The following EXOSC2 variants were observed in gnomAD, a reference collection of about 807,000 sequenced individuals.
EXOSC2 encodes exosome complex component RRP4.
In EXOSC2, 29 loss-of-function variants were observed where a neutral mutation model predicts 37.6. The ratio of observed to expected loss-of-function variants is 0.77; its 90% CI spans 0.57 to 1.05. The LOEUF (loss-of-function observed/expected upper bound fraction) is 1.05, where lower values mean the gene tolerates loss of function less well. EXOSC2 is among the 50% of genes least tolerant of loss of function. The pLI is 0.00. For synonymous variants in EXOSC2, 119 were observed against 131.1 expected, an observed-to-expected ratio of 0.91 and a Z score of 0.63; for missense variants, 346 against 365.6, an observed-to-expected ratio of 0.95 and a Z score of 0.44.
At chr9:130,699,822 C>A in intron 5 of EXOSC2, 1 of 162,030 alleles carries the variant, frequency 6.2e-6, no homozygotes, top group Non-Finnish European at 1.4e-5. Flanking sequence ...GGCAACATAG[C>A]AAGACCCCCC....
chr9:130,699,449 TG>T, intron 5 of EXOSC2, 55 bp downstream of exon 5: 1 of 1,519,876 alleles, frequency 6.6e-7, no homozygotes, highest in Non-Finnish European at 9.1e-7. Context: ...GACTGGGAAA[TG>T]GGCCTTCCAT....
chr9:130,695,241 G>T (rs996074998), intron 1 of EXOSC2, among the ~76,000 whole-genome samples: 1 of 152,192 alleles, frequency 6.6e-6, no homozygotes, highest in Non-Finnish European at 1.5e-5. Flanking sequence ...AACAGGGTGG[G>T]CTGTGTTTTC....
chr9:130,701,594 C>T lies in EXOSC2; in HGVS notation c.496-540C>T, dbSNP rs891683222. ...TGATGTACATGGAGTAGGCAGAGGA[C>T]TGCTGCAGTATGCTGACTTTCACAA... On this transcript the variant is annotated intron_variant, in intron 6 of 8. Transcript: ENST00000372358. 4.1e-6 allele frequency: 4 copies of T among 986,584 alleles called. No individual in the cohort carries two copies. In the Admixed American group the frequency reaches 1.8e-4, roughly 45 times the overall value. The allele number at this position is 986,584 out of a possible 1,614,324, so 61.1% of individuals were successfully genotyped here.
At position 130,702,247 on chromosome 9, in the gene EXOSC2, C is replaced by G; in HGVS notation, c.609C>G (p.Ile203Met). ...ASVILGNNGF[I>M]WIYPTPEHKE... ...TGATTCTCGGTAACAACGGCTTCAT[C>G]TGGATTTACCCAACACCTGAGCACA... Residue 203 changes from isoleucine (I) to methionine (M), a missense_variant, in exon 7 of 9, where the codon ATC becomes ATG. Transcript: ENST00000372358. The G allele has an allele frequency of 6.2e-7, 1 of 1,614,170 alleles. No homozygotes were observed. Among genetic ancestry groups the G allele is most frequent in the Non-Finnish European group, 8.5e-7 (1 of 1,180,036 alleles).
intron 7 of EXOSC2, among the ~76,000 whole-genome samples, chr9:130,702,801 G>T (rs1472756185): frequency 1.3e-5 from 2 of 152,068 alleles, no homozygotes; most frequent in African/African-American, 2.4e-5. Flanking sequence ...CACCATGTTG[G>T]TCAGGCTGGT....
In EXOSC2 at chr9:130,694,553, A is replaced by G. The variant is rs1564254327; in HGVS notation, c.122+640A>G. Among the ~76,000 whole-genome samples the G allele has an allele frequency of 6.6e-6, 1 of 152,182 alleles. No individual in the cohort carries two copies. The highest frequency in any genetic ancestry group is 1.5e-5 in the Non-Finnish European group (1 of 68,018). ...GATACGGTAATGAGGATTAAATGAG[A>G]CAATTATGTAAGAAAAGAAGTAAAA... On this transcript the variant is annotated intron_variant, in intron 1 of 8. Transcript: ENST00000372358. This position sits in a 1 kb window ranked among gnomAD's most constrained non-coding sequence, Gnocchi z 4.0.
chr9:130,699,555 A>G, intron 5 of EXOSC2, 161 bp downstream of exon 5: 1 of 721,334 alleles, frequency 1.4e-6, no homozygotes, highest in Non-Finnish European at 2.4e-6. Context: ...CAGTCTCCTT[A>G]ATTCAGGCTG....
Position 130,694,019 on chromosome 9 carries a change from A to G in EXOSC2, c.122+106A>G. The G allele has an allele frequency of 7.2e-7, 1 of 1,379,334 alleles. No individual in the cohort carries two copies. The highest frequency in any genetic ancestry group is 9.7e-7 in the Non-Finnish European group (1 of 1,033,798). The allele number at this position is 1,379,334 out of a possible 1,614,324, so 85.4% of individuals were successfully genotyped here. Reference sequence around the variant, plus strand: ...GTGTGTGTAACTCCCCGCGGGACCCAGGGCACTTCGTCTGAGCATCCTACA... The same window carrying G: ...GTGTGTGTAACTCCCCGCGGGACCCGGGGCACTTCGTCTGAGCATCCTACA... On this transcript the variant is annotated intron_variant, in intron 1 of 8. Transcript: ENST00000372358. The surrounding 1 kb of genome is among the most constrained non-coding windows in gnomAD (Gnocchi z 4.0).
chr9:130,697,632 C>T lies in EXOSC2; in HGVS notation c.270+5C>T, dbSNP rs770798940. The T allele has an allele frequency of 1.2e-5, 19 of 1,613,818 alleles. No homozygotes were observed. The highest frequency in any genetic ancestry group is 3.3e-5 in the Admixed American group (2 of 60,022). ...GTAGTGGGACGAATCACAGAGGTAA[C>T]GTCGATATCAGATTGGTGTTTACAA... On this transcript the variant is annotated splice_donor_5th_base_variant and intron_variant, in intron 3 of 8. Transcript: ENST00000372358.
chr9:130,702,991 T>C (rs561810354), intron 7 of EXOSC2, 62 bp from the exon 8 acceptor site: 155 of 1,563,588 alleles, frequency 9.9e-5, no homozygotes, highest in South Asian at 5.1e-4. Context: ...TGAATTTCTG[T>C]GGCTGGTCAC....
At position 130,694,042 on chromosome 9, in the gene EXOSC2, A is replaced by G; in HGVS notation, c.122+129A>G. On this transcript the variant is annotated intron_variant, in intron 1 of 8. Coordinates refer to ENST00000372358, the MANE Select transcript of EXOSC2 (RefSeq NM_014285.7). The surrounding 1 kb of genome is among the most constrained non-coding windows in gnomAD (Gnocchi z 4.0). ...CCAGGGCACTTCGTCTGAGCATCCT[A>G]CACACCTCGCTTCCGAGCCTCGTGC... 1.8e-6 allele frequency: 2 copies of G among 1,090,634 alleles called. No individual in the cohort carries two copies. The allele number at this position is 1,090,634 out of a possible 1,614,324, so 67.6% of individuals were successfully genotyped here.
At position 130,694,099 on chromosome 9, in the gene EXOSC2, C is replaced by T. The variant is rs1831040758; in HGVS notation, c.122+186C>T. Among the ~76,000 whole-genome samples, 1 of 152,116 alleles carries T rather than the reference C, an allele frequency of 6.6e-6. No individual in the cohort carries two copies. Among genetic ancestry groups the T allele is most frequent in the South Asian group, 2.1e-4 (1 of 4,832 alleles). ...CTCCCTGCATCTTGTGTGTCCCCGT[C>T]TGCATTTGTCTCAGCTCCCTGAAAC... On this transcript the variant is annotated intron_variant, in intron 1 of 8. Transcript: ENST00000372358. This position sits in a 1 kb window ranked among gnomAD's most constrained non-coding sequence, Gnocchi z 4.0.
At chr9:130,699,450 G>C in intron 5 of EXOSC2, 56 bp downstream of exon 5, 4 of 1,518,782 alleles carry the variant, frequency 2.6e-6, no homozygotes, top group Non-Finnish European at 3.7e-6. Context: ...ACTGGGAAAT[G>C]GGCCTTCCAT....
At chr9:130,696,670 C>T (rs1053937659) in intron 2 of EXOSC2, among the ~76,000 whole-genome samples, 5 of 152,130 alleles carry the variant, frequency 3.3e-5, no homozygotes, top group African/African-American at 1.2e-4. Context: ...GTGCATAGGA[C>T]CCCGTCAACT....
chr9:130,702,134 C>G lies in EXOSC2; in HGVS notation c.496C>G (p.Leu166Val), dbSNP rs1483324344. ...LHTRSLKYGK[L>V]GQGVLVQVSP... The stretch of plus-strand genomic sequence containing the variant: ...CTAGCTTCGTGATATATTTCTTTAG[C>G]TAGGTCAGGGGGTTTTGGTCCAGGT... The change falls in exon 7 of 9, where the codon CTA becomes GTA. Residue 166 changes from leucine (L) to valine (V), a missense_variant and splice_region_variant. Transcript: ENST00000372358. The G allele has an allele frequency of 8.7e-6, 14 of 1,613,274 alleles. No homozygotes were observed. Among genetic ancestry groups the G allele is most frequent in the Non-Finnish European group, 1.2e-5 (14 of 1,179,802 alleles).
chr9:130,700,971 G>A, intron 6 of EXOSC2, 36 bp downstream of exon 6: 2 of 1,602,938 alleles, frequency 1.2e-6, no homozygotes. Flanking sequence ...TTTGCTGACT[G>A]AGACTACAAG....
chr9:130,703,273 C>A, intron 8 of EXOSC2, 92 bp downstream of exon 8: 1 of 1,429,908 alleles, frequency 7.0e-7, no homozygotes, highest in Admixed American at 2.1e-5. Flanking sequence ...CCAATACTTT[C>A]CCAACATCCG....
At chr9:130,699,661 T>G in intron 5 of EXOSC2, 2 of 464,456 alleles carry the variant, frequency 4.3e-6, no homozygotes, top group Non-Finnish European at 7.8e-6. Context: ...TTGTTAATGG[T>G]GTTAACTTTT....
At position 130,698,705 on chromosome 9, in the gene EXOSC2, A is replaced by G. The variant is rs928239229; in HGVS notation, c.360+454A>G. The stretch of plus-strand genomic sequence containing the variant: ...AAGCCACAGCCTTTTGTAAAATGCC[A>G]TGGTTCACCTTGATCTTCAGTCCAG... On this transcript the variant is annotated intron_variant, in intron 4 of 8. Transcript: ENST00000372358. The surrounding 1 kb of genome is among the most constrained non-coding windows in gnomAD (Gnocchi z 4.1). 2.0e-5 allele frequency among the ~76,000 whole-genome samples: 3 copies of G among 152,216 alleles called. No individual in the cohort carries two copies. The highest frequency in any genetic ancestry group is 4.4e-5 in the Non-Finnish European group (3 of 68,040).
Sources: gnomAD v4.1 joint callset for allele counts (sites outside exome capture counted in the v4.1 genomes callset) on GRCh38, gnomAD v4.1.1 for gene constraint, Gnocchi (gnomAD v3.1) non-coding constraint, MANE v1.5 for transcripts, NCBI Gene and HGNC (gene_info 2026-07-23, HGNC 2026-07-21) for gene names.